The following SIM2 variants were observed in gnomAD, a reference collection of about 807,000 sequenced individuals.
The protein encoded by SIM2 is single-minded homolog 2.
In SIM2, 28 loss-of-function variants were observed where a neutral mutation model predicts 64.8. The ratio of observed to expected loss-of-function variants is 0.43; its 90% CI spans 0.32 to 0.59. The LOEUF is 0.59. SIM2 is among the 20% of genes least tolerant of loss of function. SIM2 has a pLI of 0.07. For missense variants in SIM2, 847 were observed against 871.4 expected (o/e 0.97, Z 0.35); for synonymous variants, 408 against 391.1 (o/e 1.04, Z -0.51).
Position 36,749,051 on chromosome 21 carries a change from T to G in SIM2, c.*959T>G, listed in dbSNP as rs1180431590. On this transcript the variant is annotated 3_prime_UTR_variant, in exon 11 of 11. Coordinates refer to ENST00000290399, the MANE Select transcript of SIM2 (RefSeq NM_005069.6). ...GAAAAACATGCTTAAGGGGGTGTAA[T>G]GAAAATGATGTAGACATTTTAAGCA... is the stretch of plus-strand genomic sequence containing the variant. The G allele has an allele frequency of 2.0e-5, 3 of 152,658 alleles. No homozygotes were observed. The highest frequency in any genetic ancestry group is 4.4e-5 in the Non-Finnish European group (3 of 68,044). 9.5% of individuals were successfully genotyped at this position (152,658 alleles called of 1,614,324 possible).
At chr21:36,719,429 A>C (rs1214383181) in intron 3 of SIM2, among the ~76,000 whole-genome samples, 1 of 152,244 alleles carries the variant, frequency 6.6e-6, no homozygotes, top group Non-Finnish European at 1.5e-5. Context: ...CAGTCCCCTC[A>C]GATCGCCAGC....
At chr21:36,731,407 T>C (rs2088967581) in intron 7 of SIM2, among the ~76,000 whole-genome samples, 2 of 151,958 alleles carry the variant, frequency 1.3e-5, no homozygotes, top group South Asian at 2.1e-4. Flanking sequence ...GGATTCTAGA[T>C]TGTGGATGTG....
At chr21:36,727,275 T>A (rs997970550) in intron 6 of SIM2, among the ~76,000 whole-genome samples, 3 of 152,062 alleles carry the variant, frequency 2.0e-5, no homozygotes, top group Non-Finnish European at 4.4e-5. Flanking sequence ...CCTCAGGTGA[T>A]CCGCCCGCCT....
Position 36,741,729 on chromosome 21 carries a change from G to T in SIM2, c.863G>T (p.Gly288Val). 1 of 1,613,066 alleles carries T rather than the reference G, an allele frequency of 6.2e-7. No individual in the cohort carries two copies. ...CTTGTGCTTGCAGTGTTGGTGAAGG[G>T]CCAGGTCACCACCAAGTACTACCGG... ...RYAHHLLLVK[G>V]QVTTKYYRLL... Residue 288 changes from glycine (G) to valine (V), a missense_variant, in exon 8 of 11, where the codon GGC (glycine) becomes GTC (valine). Gly to Val is a moderately radical substitution (Grantham distance 109). This residue lies in a region of SIM2 where 397 missense variants were observed against 439.2 expected (regional missense o/e 0.90). Transcript: ENST00000290399.
At chr21:36,713,828 CTG>C (rs2088709168) in intron 3 of SIM2, among the ~76,000 whole-genome samples, 1 of 152,198 alleles carries the variant, frequency 6.6e-6, no homozygotes, top group Non-Finnish European at 1.5e-5. Flanking sequence ...TTATGTAACT[CTG>C]TGTTTCTCAG....
In SIM2 at chr21:36,745,464, T is replaced by C. The variant is rs1432227277; in HGVS notation, c.1576+328T>C. Reference sequence around the variant, plus strand: ...ATTTTCAAAACCAGCTCCCATGTGCTGAGAACACCCCAGCTGCATTTCTTT... The same window carrying C: ...ATTTTCAAAACCAGCTCCCATGTGCCGAGAACACCCCAGCTGCATTTCTTT... On this transcript the variant is annotated intron_variant, in intron 10 of 10. Coordinates refer to ENST00000290399, the MANE Select transcript of SIM2 (RefSeq NM_005069.6). The surrounding 1 kb of genome is among the most constrained non-coding windows in gnomAD (Gnocchi z 4.8). 1.6e-5 allele frequency: 20 copies of C among 1,216,254 alleles called. No homozygotes were observed. The highest frequency in any genetic ancestry group is 2.1e-5 in the Non-Finnish European group (20 of 962,354). The allele number at this position is 1,216,254 out of a possible 1,614,324, so 75.3% of individuals were successfully genotyped here.
intron 7 of SIM2, among the ~76,000 whole-genome samples, chr21:36,733,071 G>A (rs146748387): frequency 2.3e-3 from 352 of 152,306 alleles, no homozygotes; most frequent in Non-Finnish European, 3.5e-3. Context: ...CCCAGCCCTG[G>A]GGGGTCTGGA....
Position 36,747,986 on chromosome 21 carries a change from C to T in SIM2, c.1898C>T (p.Thr633Ile). 1 of 1,064,448 alleles carries T rather than the reference C, an allele frequency of 9.4e-7. No homozygotes were observed. Among genetic ancestry groups the T allele is most frequent in the Non-Finnish European group, 1.1e-6 (1 of 882,526 alleles). 65.9% of individuals were successfully genotyped at this position (1,064,448 alleles called of 1,614,324 possible). The change falls in exon 11 of 11, where the codon ACC becomes ATC. Residue 633 changes from threonine (T) to isoleucine (I), a missense_variant. Transcript: ENST00000290399. The surrounding 1 kb of genome is among the most constrained non-coding windows in gnomAD (Gnocchi z 4.5). ...GCTCCCGGCGGCCCCGAGGCGGCGA[C>T]CGGCGCGCTGCGGCTCCGGCACCCG... ...ACAPGGPEAA[T>I]GALRLRHPSP...
intron 1 of SIM2, among the ~76,000 whole-genome samples, chr21:36,700,587 C>T (rs1356922775): frequency 1.3e-5 from 2 of 151,952 alleles, no homozygotes; most frequent in Non-Finnish European, 2.9e-5. Context: ...CTTTTTGTCT[C>T]TTCTGGAGGA....
chr21:36,744,939 T>C lies in SIM2; in HGVS notation c.1379T>C (p.Met460Thr). 6.2e-7 allele frequency: 1 copy of C among 1,614,200 alleles called. No individual in the cohort carries two copies. Among genetic ancestry groups the C allele is most frequent in the South Asian group, 1.1e-5 (1 of 91,092 alleles). The part of the protein sequence containing the change: ...DSHVFSSKKP[M>T]LPAKFGQPQG... ...CACGTCTTCAGCAGCAAAAAGCCAATGTTGCCGGCCAAGTTCGGGCAGCCC... is the reference window on the plus strand; with the variant it reads ...CACGTCTTCAGCAGCAAAAAGCCAACGTTGCCGGCCAAGTTCGGGCAGCCC... Residue 460 changes from methionine to threonine, a missense_variant, in exon 10 of 11, where the codon ATG becomes ACG. Around this residue, in one of 3 missense-constraint regions of SIM2, gnomAD observed 447 missense variants for 414.6 expected, o/e 1.08. Transcript: ENST00000290399.
chr21:36,731,178 G>C, intron 7 of SIM2, 27 bp downstream of exon 7: 1 of 1,571,790 alleles, frequency 6.4e-7, no homozygotes, highest in Non-Finnish European at 8.7e-7. Context: ...CCCCAGCCAC[G>C]GGAGGTAGCT....
intron 2 of SIM2, 200 bp downstream of exon 2, chr21:36,709,450 C>G: frequency 1.4e-6 from 1 of 694,520 alleles, no homozygotes; most frequent in Non-Finnish European, 2.6e-6. Flanking sequence ...CCTACCCTAA[C>G]CCTACGTCTG....
intron 2 of SIM2, among the ~76,000 whole-genome samples, chr21:36,710,869 C>T (rs1482697792): frequency 2.6e-5 from 4 of 152,200 alleles, no homozygotes; most frequent in African/African-American, 9.6e-5. Context: ...TCGCCCTCCT[C>T]CACTTCCAGC....
chr21:36,723,763 G>A (rs949569371), intron 5 of SIM2, among the ~76,000 whole-genome samples: 4 of 152,312 alleles, frequency 2.6e-5, no homozygotes, highest in South Asian at 2.1e-4. Flanking sequence ...CTGGCTCCAC[G>A]TCTCTGCCAG....
chr21:36,706,375 C>T (rs2123418393), intron 1 of SIM2, among the ~76,000 whole-genome samples: 1 of 152,308 alleles, frequency 6.6e-6, no homozygotes, highest in South Asian at 2.1e-4. Flanking sequence ...CCAGCCGCAA[C>T]CTCACCTTCC....
Position 36,749,916 on chromosome 21 carries a change from A to C in SIM2, c.*1824A>C, listed in dbSNP as rs2123528082. 6.6e-6 allele frequency: 1 copy of C among 152,378 alleles called. No homozygotes were observed. Among genetic ancestry groups the C allele is most frequent in the Admixed American group, 6.5e-5 (1 of 15,306 alleles). 9.4% of individuals were successfully genotyped at this position (152,378 alleles called of 1,614,324 possible). ...AAAAAGACCCTATCATAGATTTACAAGTGACAACGTGGACAGGCGTAACAG... is the reference window on the plus strand; with the variant it reads ...AAAAAGACCCTATCATAGATTTACACGTGACAACGTGGACAGGCGTAACAG... On this transcript the variant is annotated 3_prime_UTR_variant, in exon 11 of 11. Coordinates refer to ENST00000290399, the MANE Select transcript of SIM2 (RefSeq NM_005069.6).
rs1323099066 is a variant in SIM2 at position 36,709,582 on chromosome 21, G to A, written c.258+332G>A. On this transcript the variant is annotated intron_variant, in intron 2 of 10. Coordinates refer to ENST00000290399, the MANE Select transcript of SIM2 (RefSeq NM_005069.6). Reference sequence around the variant, plus strand: ...CTTCCCTCAGCAGGTTCCACCCAGCGCTTGCTCTGTGCCAGGCGCCAGGGC... The same window carrying A: ...CTTCCCTCAGCAGGTTCCACCCAGCACTTGCTCTGTGCCAGGCGCCAGGGC... 17 of 460,802 alleles carry A rather than the reference G, an allele frequency of 3.7e-5. No homozygotes were observed. The East Asian group carries it at 7.9e-4, about 21-fold the overall frequency. The allele number at this position is 460,802 out of a possible 1,614,324, so 28.5% of individuals were successfully genotyped here.
chr21:36,716,448 T>A (rs1435369675), intron 3 of SIM2, among the ~76,000 whole-genome samples: 1 of 152,184 alleles, frequency 6.6e-6, no homozygotes, highest in Non-Finnish European at 1.5e-5. Flanking sequence ...CATAAACATA[T>A]CGATGATGTT....
At chr21:36,706,780 C>A (rs1168270434) in intron 1 of SIM2, among the ~76,000 whole-genome samples, 1 of 152,184 alleles carries the variant, frequency 6.6e-6, no homozygotes, top group Non-Finnish European at 1.5e-5. Flanking sequence ...ATCTAGCACC[C>A]GACCACCTCC....
Sources: allele counts gnomAD v4.1 joint callset (sites outside exome capture counted in the v4.1 genomes callset), GRCh38; gene constraint gnomAD v4.1.1; regional missense constraint gnomAD v4.1.1; non-coding constraint Gnocchi (gnomAD v3.1); transcripts MANE v1.5; gene names NCBI Gene and HGNC (gene_info 2026-07-23, HGNC 2026-07-21).